The following UTRN variants were observed in gnomAD, a reference collection of about 807,000 sequenced individuals.
UTRN encodes the protein utrophin.
In UTRN, 283 loss-of-function variants were observed where a neutral mutation model predicts 463.9. The ratio of observed to expected loss-of-function variants is 0.61; its 90% CI spans 0.55 to 0.67. UTRN has a LOEUF of 0.67. Ranked by LOEUF, UTRN falls within the 30% of genes least tolerant of loss-of-function variation. UTRN has a pLI of 0.00. For synonymous variants in UTRN, 1,442 were observed against 1,431.5 expected (o/e 1.01, Z -0.17); for missense variants, 3,922 against 4,084.3 (o/e 0.96, Z 1.08).
At chr6:144,688,110 T>C (rs1412648230) in intron 52 of UTRN, among the ~76,000 whole-genome samples, 1 of 152,198 alleles carries the variant, frequency 6.6e-6, no homozygotes. Flanking sequence ...TTTGACAGGC[T>C]TTTGACAGAA....
chr6:144,667,503 G>A (rs1419629765), intron 51 of UTRN, among the ~76,000 whole-genome samples: 2 of 152,190 alleles, frequency 1.3e-5, no homozygotes, highest in Non-Finnish European at 2.9e-5. Context: ...TTGAAGCCAG[G>A]TTCTCCTTGG....
intron 52 of UTRN, among the ~76,000 whole-genome samples, chr6:144,697,429 T>C (rs1275674346): frequency 6.6e-6 from 1 of 152,180 alleles, no homozygotes; most frequent in Admixed American, 6.6e-5. Context: ...AGTTTCTTCT[T>C]ACAAAGCATT....
At chr6:144,794,023 G>A (rs1190704804) in intron 63 of UTRN, 32 bp downstream of exon 63, 1 of 1,608,844 alleles carries the variant, frequency 6.2e-7, no homozygotes, top group South Asian at 1.1e-5. Flanking sequence ...TGTGTAGGAT[G>A]TGTTGGCGAA....
intron 61 of UTRN, among the ~76,000 whole-genome samples, chr6:144,786,816 A>G (rs766038968): frequency 1.3e-5 from 2 of 152,214 alleles, no homozygotes; most frequent in Non-Finnish European, 2.9e-5. Flanking sequence ...ATTTCCATAC[A>G]TAAAGGATTG....
At chr6:144,579,296 T>A (rs1801734341) in intron 51 of UTRN, among the ~76,000 whole-genome samples, 1 of 152,170 alleles carries the variant, frequency 6.6e-6, no homozygotes, top group Non-Finnish European at 1.5e-5. Flanking sequence ...GGACTCTAAG[T>A]GTGGATAGAT....
At chr6:144,558,374 T>C (rs1562571632) in intron 50 of UTRN, among the ~76,000 whole-genome samples, 1 of 152,192 alleles carries the variant, frequency 6.6e-6, no homozygotes, top group Admixed American at 6.5e-5. Context: ...GCAGAGTGGC[T>C]ATAATATTGG....
chr6:144,738,872 T>G (rs1012989514), intron 54 of UTRN, among the ~76,000 whole-genome samples: 28 of 152,218 alleles, frequency 1.8e-4, no homozygotes, highest in African/African-American at 3.9e-4. Flanking sequence ...TTTGCTTAAT[T>G]TAAATATTTT....
At chr6:144,701,664 G>C (rs1268704685) in intron 53 of UTRN, among the ~76,000 whole-genome samples, 8 of 151,816 alleles carry the variant, frequency 5.3e-5, no homozygotes, top group Admixed American at 5.2e-4. Flanking sequence ...TTCTAAATCT[G>C]GTCATTTTAA....
At position 144,291,721 on chromosome 6, in the gene UTRN, TC is replaced by T. The variant is rs1296500726; in HGVS notation, c.-92-13del. 1 of 806,560 alleles carries T rather than the reference TC, an allele frequency of 1.2e-6. No homozygotes were observed. Among genetic ancestry groups the T allele is most frequent in the African/African-American group, 1.8e-5 (1 of 56,276 alleles). 50.0% of individuals were successfully genotyped at this position (806,560 alleles called of 1,614,324 possible). A position where few individuals can be genotyped will look rare whatever the true frequency, so the allele number is the denominator to read the frequency against. On this transcript the variant is annotated splice_polypyrimidine_tract_variant and intron_variant, in intron 1 of 74. Transcript: ENST00000367545. ...AATACATTTTTTCAAGTCAGTACTT[TC>T]CCTTTTCCTTTTAGGTATTGATGTC... is the stretch of plus-strand genomic sequence containing the variant.
At chr6:144,724,695 C>G (rs139409728) in intron 53 of UTRN, among the ~76,000 whole-genome samples, 1 of 152,232 alleles carries the variant, frequency 6.6e-6, no homozygotes, top group East Asian at 1.9e-4. Context: ...ACACTATGCC[C>G]TTTCATGTCT....
chr6:144,490,793 T>C lies in UTRN; in HGVS notation c.4264-136T>C, dbSNP rs990027246. 4.0e-6 allele frequency: 4 copies of C among 997,598 alleles called. No individual in the cohort carries two copies. The African/African-American group carries it at 4.9e-5, about 12-fold the overall frequency. The allele number at this position is 997,598 out of a possible 1,614,324, so 61.8% of individuals were successfully genotyped here. On this transcript the variant is annotated intron_variant, in intron 31 of 74. Coordinates refer to ENST00000367545, the MANE Select transcript of UTRN (RefSeq NM_007124.3). The stretch of plus-strand genomic sequence containing the variant: ...CCCTCACTGAGATTCATTAGGAGTT[T>C]TTTATTTTGGGTCATATTTCTGAAT...
intron 53 of UTRN, among the ~76,000 whole-genome samples, chr6:144,721,008 G>C (rs1311429261): frequency 6.6e-6 from 1 of 151,994 alleles, no homozygotes; most frequent in Non-Finnish European, 1.5e-5. Flanking sequence ...TATTTTGGTG[G>C]AAATCTTTGT....
rs914080414 is a variant in UTRN at position 144,516,267 on chromosome 6, C to G, written c.5283C>G (p.Val1761=). 18 of 1,613,554 alleles carry G rather than the reference C, an allele frequency of 1.1e-5. No individual in the cohort carries two copies. Among genetic ancestry groups the G allele is most frequent in the Non-Finnish European group, 1.4e-5 (16 of 1,179,918 alleles). Residue 1761 remains valine, a synonymous_variant, in exon 38 of 75, where the codon GTC becomes GTG. Coordinates refer to ENST00000367545, the MANE Select transcript of UTRN (RefSeq NM_007124.3). The part of the protein sequence containing the change: ...IAQEPLYQCL[V]TTETFETGVP... ...AGGAACCATTATACCAATGTTTGGT[C>G]ACCACTGAAACATTTGAAACTGGTG...
chr6:144,754,943 T>C, intron 57 of UTRN, 145 bp downstream of exon 57: 1 of 723,018 alleles, frequency 1.4e-6, no homozygotes, highest in Non-Finnish European at 2.2e-6. Flanking sequence ...AAAGAAAATA[T>C]TGCTTAATGG....
intron 51 of UTRN, among the ~76,000 whole-genome samples, chr6:144,615,013 A>G (rs1050539970): frequency 3.9e-5 from 6 of 152,172 alleles, no homozygotes; most frequent in African/African-American, 1.2e-4. Flanking sequence ...ATATTCATTT[A>G]TAGGGTATAA....
intron 23 of UTRN, among the ~76,000 whole-genome samples, chr6:144,463,238 A>G (rs1289009772): frequency 6.6e-6 from 1 of 152,220 alleles, no homozygotes; most frequent in African/African-American, 2.4e-5. Context: ...TGCTGAATAC[A>G]TGAAACTACT....
chr6:144,780,228 G>A (rs9376854), intron 60 of UTRN, among the ~76,000 whole-genome samples: 35,660 of 151,950 alleles, frequency 0.23, 5,364 homozygotes, highest in East Asian at 0.71. Flanking sequence ...TGCATCAGGC[G>A]AAGAGAAAGA....
intron 2 of UTRN, among the ~76,000 whole-genome samples, chr6:144,349,953 G>T (rs960129611): frequency 3.3e-5 from 5 of 152,166 alleles, no homozygotes; most frequent in Non-Finnish European, 5.9e-5. Flanking sequence ...AACTGAAGTC[G>T]TTTTTTCCCA....
chr6:144,387,645 A>C (rs1296757502), intron 2 of UTRN, among the ~76,000 whole-genome samples: 4 of 152,174 alleles, frequency 2.6e-5, no homozygotes, highest in Non-Finnish European at 5.9e-5. Flanking sequence ...TTCACTTCCA[A>C]GTGGAAAACC....
Sources: allele counts gnomAD v4.1 joint callset (sites outside exome capture counted in the v4.1 genomes callset), GRCh38; gene constraint gnomAD v4.1.1; transcripts MANE v1.5; gene names NCBI Gene and HGNC (gene_info 2026-07-23, HGNC 2026-07-21).